The following TMEM135 variants were observed in gnomAD, a reference collection of about 807,000 sequenced individuals.
TMEM135 encodes transmembrane protein 135, also known as peroxisomal membrane protein 52.
TMEM135 carries 30 observed loss-of-function variants against 60.3 expected under a neutral mutation model. The ratio of observed to expected loss-of-function variants is 0.50; its 90% CI spans 0.37 to 0.68. The LOEUF (loss-of-function observed/expected upper bound fraction) is 0.68. Among genes scored for constraint, TMEM135 ranks in the 30% least tolerant of loss-of-function variants. TMEM135 has a pLI of 0.00. For missense variants in TMEM135, 468 were observed against 548.8 expected (o/e 0.85, Z 1.47); for synonymous variants, 190 against 186.7 (o/e 1.02, Z -0.14).
intron 5 of TMEM135, among the ~76,000 whole-genome samples, chr11:87,180,031 G>T (rs547987013): frequency 1.8e-4 from 27 of 152,128 alleles, no homozygotes; most frequent in Non-Finnish European, 3.1e-4. Flanking sequence ...CTGCACAACA[G>T]ATGCAGACAG....
At chr11:87,052,935 C>T (rs1331118786) in intron 1 of TMEM135, among the ~76,000 whole-genome samples, 8 of 86,468 alleles carry the variant, frequency 9.3e-5, no homozygotes, top group Non-Finnish European at 1.8e-4. Context: ...CAATGATAGA[C>T]TGGATTAAGA....
At chr11:87,095,808 C>G (rs1438959258) in intron 4 of TMEM135, 4 of 152,814 alleles carry the variant, frequency 2.6e-5, no homozygotes, top group African/African-American at 9.7e-5. Context: ...AACTCCGTCT[C>G]TACTAAAAAT....
In TMEM135 at chr11:87,323,276, A is replaced by T. The variant is rs1239843591; in HGVS notation, c.*1943A>T. The T allele has an allele frequency of 2.2e-6, 1 of 453,836 alleles. No individual in the cohort carries two copies. The highest frequency in any genetic ancestry group is 2.0e-5 in the African/African-American group (1 of 50,140). The allele number at this position is 453,836 out of a possible 1,614,324, so 28.1% of individuals were successfully genotyped here. On this transcript the variant is annotated 3_prime_UTR_variant, in exon 15 of 15. Coordinates refer to ENST00000305494, the MANE Select transcript of TMEM135 (RefSeq NM_022918.4). ...AATTTTATGTAAAATGTAAAATGAAATAGCTATCATGAAGCAGAATACAAT... is the reference window on the plus strand; with the variant it reads ...AATTTTATGTAAAATGTAAAATGAATTAGCTATCATGAAGCAGAATACAAT...
intron 4 of TMEM135, among the ~76,000 whole-genome samples, chr11:87,116,919 T>C (rs1181808625): frequency 1.3e-5 from 2 of 151,726 alleles, no homozygotes; most frequent in Admixed American, 1.3e-4. Flanking sequence ...GCCTTTTGGG[T>C]TCAAATGATT....
At chr11:87,273,887 TC>T (rs369204210) in intron 6 of TMEM135, among the ~76,000 whole-genome samples, 1 of 151,780 alleles carries the variant, frequency 6.6e-6, no homozygotes, top group Non-Finnish European at 1.5e-5. Flanking sequence ...TTTGCATTTT[TC>T]CCCCCAAGAT....
chr11:87,180,088 G>A (rs2135301665), intron 5 of TMEM135, among the ~76,000 whole-genome samples: 1 of 152,198 alleles, frequency 6.6e-6, no homozygotes, highest in South Asian at 2.1e-4. Flanking sequence ...TGGAAAGAAG[G>A]GCCCCTGTGC....
intron 5 of TMEM135, among the ~76,000 whole-genome samples, chr11:87,201,195 A>G (rs1940087588): frequency 6.6e-6 from 1 of 152,176 alleles, no homozygotes; most frequent in Non-Finnish European, 1.5e-5. Flanking sequence ...AGGATTTGAA[A>G]CTGGAAGATC....
chr11:87,102,720 A>ATG (rs775352376), intron 4 of TMEM135, among the ~76,000 whole-genome samples: 26,630 of 131,776 alleles, frequency 0.2, 3,670 homozygotes, highest in African/African-American at 0.43. Context: ...ATATGTATAT[A>ATG]TATATATGTA....
At chr11:87,279,687 A>G (rs549036178) in intron 6 of TMEM135, among the ~76,000 whole-genome samples, 6 of 152,356 alleles carry the variant, frequency 3.9e-5, no homozygotes, top group African/African-American at 1.4e-4. Context: ...CTGTGGACAT[A>G]GTGGTAATTA....
chr11:87,068,324 T>C (rs1856706235), intron 2 of TMEM135, among the ~76,000 whole-genome samples: 1 of 152,234 alleles, frequency 6.6e-6, no homozygotes, highest in Admixed American at 6.5e-5. Flanking sequence ...TTATACATTG[T>C]AGAGATGCAG....
chr11:87,141,441 G>C (rs964078752), intron 4 of TMEM135, among the ~76,000 whole-genome samples: 1 of 152,056 alleles, frequency 6.6e-6, no homozygotes, highest in African/African-American at 2.4e-5. Flanking sequence ...TGTTTTTAAT[G>C]AGTTTGCTAA....
At chr11:87,320,616 A>C (rs1942803941) in intron 14 of TMEM135, among the ~76,000 whole-genome samples, 1 of 152,184 alleles carries the variant, frequency 6.6e-6, no homozygotes, top group South Asian at 2.1e-4. Context: ...GTGTTTAAAA[A>C]ATGTTATATA....
At chr11:87,246,406 T>C (rs891164004) in intron 6 of TMEM135, among the ~76,000 whole-genome samples, 1 of 152,032 alleles carries the variant, frequency 6.6e-6, no homozygotes, top group Non-Finnish European at 1.5e-5. Flanking sequence ...CCTGCCTTGC[T>C]AGATTGGGGA....
chr11:87,318,208 C>T lies in TMEM135; in HGVS notation c.1149C>T (p.Ser383=). Residue 383 remains serine (S), a synonymous_variant, in exon 13 of 15, where the codon TCC becomes TCT. Coordinates refer to ENST00000305494, the MANE Select transcript of TMEM135 (RefSeq NM_022918.4). ...CTCATGCAGATACTATCATCTATTC[C>T]ATCTCTACAGCAATTTGCTTCCAGG... ...YFPHADTIIY[S]ISTAICFQAA... 2 of 1,612,348 alleles carry T rather than the reference C, an allele frequency of 1.2e-6. No individual in the cohort carries two copies. The highest frequency in any genetic ancestry group is 1.7e-6 in the Non-Finnish European group (2 of 1,179,572).
chr11:87,067,966 G>C, intron 2 of TMEM135, 145 bp downstream of exon 2: 1 of 1,025,188 alleles, frequency 9.8e-7, no homozygotes. Context: ...GTCAATGAAA[G>C]CTTGTAAAAC....
intron 6 of TMEM135, among the ~76,000 whole-genome samples, chr11:87,240,286 A>G (rs1941101455): frequency 6.6e-6 from 1 of 151,998 alleles, no homozygotes; most frequent in Non-Finnish European, 1.5e-5. Context: ...TAATAGTTTT[A>G]CATCCTTTGT....
chr11:87,154,068 A>G (rs1938628967), intron 4 of TMEM135, among the ~76,000 whole-genome samples: 1 of 152,196 alleles, frequency 6.6e-6, no homozygotes, highest in East Asian at 1.9e-4. Context: ...TGCGTTCACT[A>G]CTACTATCCA....
intron 5 of TMEM135, among the ~76,000 whole-genome samples, chr11:87,195,383 T>TCTCTCTC (rs1386297449): frequency 0.021 from 1,721 of 83,132 alleles, 140 homozygotes; most frequent in Middle Eastern, 0.058. Flanking sequence ...CCTTCCTTCC[T>TCTCTCTC]TCCTTCCTTC....
intron 6 of TMEM135, among the ~76,000 whole-genome samples, chr11:87,242,236 T>G (rs651293): frequency 0.66 from 98,681 of 150,194 alleles, 33,033 homozygotes; most frequent in Non-Finnish European, 0.71. Context: ...CACATTTTCT[T>G]AATCCAGTCT....
Sources: gnomAD v4.1 joint callset for allele counts (sites outside exome capture counted in the v4.1 genomes callset) on GRCh38, gnomAD v4.1.1 for gene constraint, MANE v1.5 for transcripts, NCBI Gene and HGNC (gene_info 2026-07-23, HGNC 2026-07-21) for gene names.